The following MICAL3 variants were observed in gnomAD, a reference collection of about 807,000 sequenced individuals.
MICAL3 encodes [F-actin]-monooxygenase MICAL3.
In MICAL3, 62 loss-of-function variants were observed where a neutral mutation model predicts 207.4. The ratio of observed to expected loss-of-function variants is 0.30; its 90% CI spans 0.24 to 0.37. MICAL3 has a LOEUF of 0.37. MICAL3 is among the 10% of genes least tolerant of loss of function. The probability of loss-of-function intolerance (pLI) is 1.00; values close to 1 mark genes in which losing one functional copy is unlikely to be tolerated. For synonymous variants in MICAL3, 1,077 were observed against 1,069.3 expected, an observed-to-expected ratio of 1.01 and a Z score of -0.14; for missense variants, 2,368 against 2,635.6, an observed-to-expected ratio of 0.90 and a Z score of 2.22.
chr22:17,851,867 G>C (rs977432507), intron 19 of MICAL3, among the ~76,000 whole-genome samples: 1 of 152,218 alleles, frequency 6.6e-6, no homozygotes, highest in African/African-American at 2.4e-5. Flanking sequence ...GAGGAGTTTG[G>C]TTCCGGGAAG....
At chr22:17,881,859 T>G (rs116546165) in intron 16 of MICAL3, among the ~76,000 whole-genome samples, 1 of 152,210 alleles carries the variant, frequency 6.6e-6, no homozygotes, top group Non-Finnish European at 1.5e-5. Flanking sequence ...TCACTAACAT[T>G]TGAATGCCAT....
At chr22:17,896,607 G>C (rs990805333) in intron 8 of MICAL3, 117 bp downstream of exon 8, 5 of 1,085,120 alleles carry the variant, frequency 4.6e-6, no homozygotes, top group Admixed American at 4.9e-5. Flanking sequence ...GACTCCTGCA[G>C]GGAGTTTACC....
At chr22:17,981,243 A>G (rs1365821373) in intron 1 of MICAL3, among the ~76,000 whole-genome samples, 1 of 152,136 alleles carries the variant, frequency 6.6e-6, no homozygotes, top group African/African-American at 2.4e-5. Context: ...TCTTCATTGT[A>G]AATTCCACTG....
chr22:17,895,784 A>G (rs1930776078), intron 9 of MICAL3, among the ~76,000 whole-genome samples: 1 of 152,230 alleles, frequency 6.6e-6, no homozygotes, highest in Non-Finnish European at 1.5e-5. Context: ...AATACCTTAA[A>G]TAAGAGACAA....
chr22:17,906,450 T>C, intron 2 of MICAL3, 99 bp downstream of exon 2: 3 of 1,604,714 alleles, frequency 1.9e-6, no homozygotes, highest in South Asian at 2.2e-5. Flanking sequence ...CACCCAGACC[T>C]TGTAGATCAT....
rs200685086 is a variant in MICAL3, at chr22:17,882,886, A to AT, written c.2241+2991dup. On this transcript the variant is annotated intron_variant, in intron 16 of 31. Coordinates refer to ENST00000441493, the MANE Select transcript of MICAL3 (RefSeq NM_015241.3). ...CAGCCTGCCAGTCTCCTACTCCACC[A>AT]TGACCATACCGACTCAGGTGACAAG... Among the ~76,000 whole-genome samples, 1,176 of 152,226 alleles carry AT rather than the reference A, an allele frequency of 7.7e-3. 16 individuals are homozygous for AT. Among genetic ancestry groups the AT allele is most frequent in the African/African-American group, 0.026 (1,094 of 41,520 alleles).
intron 27 of MICAL3, chr22:17,815,031 A>C (rs1391052408): frequency 6.6e-6 from 1 of 152,206 alleles, no homozygotes; most frequent in African/African-American, 2.4e-5. Context: ...TAGGTCGGCC[A>C]TCCGCTAGCC....
chr22:17,853,294 C>T (rs149836982), intron 19 of MICAL3, among the ~76,000 whole-genome samples: 176 of 152,306 alleles, frequency 1.2e-3, no homozygotes, highest in Non-Finnish European at 1.9e-3. Context: ...CGAAGGTCCA[C>T]TCCCCCAGCC....
intron 1 of MICAL3, among the ~76,000 whole-genome samples, chr22:17,942,183 G>A (rs904505943): frequency 3.9e-5 from 6 of 152,316 alleles, no homozygotes; most frequent in South Asian, 2.1e-4. Flanking sequence ...AAGATAGCCC[G>A]GTGATTGTAT....
chr22:17,891,628 A>G lies in MICAL3; in HGVS notation c.1551T>C (p.Ser517=). The G allele has an allele frequency of 6.2e-7, 1 of 1,613,890 alleles. No homozygotes were observed. The highest frequency in any genetic ancestry group is 1.7e-5 in the Admixed American group (1 of 60,018). ...CCAGCAGTTTGCTTGAACGAGCTACAGACTCTAAAACAACAAAACACAGTA... is the reference window on the plus strand; with the variant it reads ...CCAGCAGTTTGCTTGAACGAGCTACGGACTCTAAAACAACAAAACACAGTA... The part of the protein sequence containing the change: ...RTTPKLTRNE[S]VARSSKLLGW... The change falls in exon 12 of 32, where the codon TCT becomes TCC. Residue 517 remains serine (S), a synonymous_variant. Coordinates refer to ENST00000441493, the MANE Select transcript of MICAL3 (RefSeq NM_015241.3).
chr22:17,848,972 C>G (rs1004660600), intron 19 of MICAL3, among the ~76,000 whole-genome samples: 3 of 152,228 alleles, frequency 2.0e-5, no homozygotes, highest in Non-Finnish European at 2.9e-5. Flanking sequence ...AGTTTCTAAG[C>G]CACTGCTATG....
chr22:17,917,020 G>A (rs1032558956), intron 1 of MICAL3, among the ~76,000 whole-genome samples: 3 of 152,000 alleles, frequency 2.0e-5, no homozygotes, highest in Non-Finnish European at 2.9e-5. Context: ...CCTTACTACC[G>A]AGATATTGTT....
chr22:17,990,988 G>A (rs1260714527), intron 1 of MICAL3, among the ~76,000 whole-genome samples: 1 of 152,212 alleles, frequency 6.6e-6, no homozygotes, highest in Non-Finnish European at 1.5e-5. Context: ...TTACAAAAAT[G>A]GCCTGGAGAC....
intron 1 of MICAL3, among the ~76,000 whole-genome samples, chr22:17,909,503 C>T (rs1311418174): frequency 2.0e-5 from 3 of 152,194 alleles, no homozygotes; most frequent in Admixed American, 1.3e-4. Context: ...CCAGCCTCAG[C>T]GACAGAGTGA....
intron 1 of MICAL3, among the ~76,000 whole-genome samples, chr22:17,997,361 G>A (rs1422905931): frequency 6.6e-6 from 1 of 152,128 alleles, no homozygotes; most frequent in African/African-American, 2.4e-5. Context: ...ACTGCGCCCG[G>A]CCCATCTGGT....
At chr22:17,884,250 A>T in intron 16 of MICAL3, 3 of 1,555,450 alleles carry the variant, frequency 1.9e-6, no homozygotes, top group Non-Finnish European at 2.6e-6. Context: ...GACAGCACCC[A>T]TCCTGGCCCT....
Position 17,887,163 on chromosome 22 carries a change from A to C in MICAL3, c.2067+7T>G. ...ACCATTCTAGCAATTCCCCAAGTGA[A>C]TCTCACCTCCTCTGATTGACTGGTC... On this transcript the variant is annotated splice_region_variant and intron_variant, in intron 15 of 31. Transcript: ENST00000441493. The C allele has an allele frequency of 1.2e-6, 2 of 1,612,594 alleles. No homozygotes were observed. The highest frequency in any genetic ancestry group is 1.7e-6 in the Non-Finnish European group (2 of 1,178,838).
intron 5 of MICAL3, 122 bp from the exon 6 acceptor site, chr22:17,901,119 G>A: frequency 1.1e-6 from 1 of 872,790 alleles, no homozygotes; most frequent in Non-Finnish European, 1.8e-6. Flanking sequence ...TGATGGGAAA[G>A]TTAGGGCAGC....
intron 19 of MICAL3, among the ~76,000 whole-genome samples, chr22:17,856,900 C>T (rs1027684625): frequency 6.6e-6 from 1 of 152,126 alleles, no homozygotes; most frequent in Admixed American, 6.5e-5. Flanking sequence ...GGATTACAGG[C>T]GTGAGCCACC....
Sources: gnomAD v4.1 joint callset for allele counts (sites outside exome capture counted in the v4.1 genomes callset) on GRCh38, gnomAD v4.1.1 for gene constraint, MANE v1.5 for transcripts, NCBI Gene and HGNC (gene_info 2026-07-23, HGNC 2026-07-21) for gene names.